NGEF: variants seen among roughly 807,000 people sequenced by gnomAD.
NGEF encodes neuronal guanine nucleotide exchange factor.
Under a neutral mutation model 80.9 loss-of-function variants are expected in NGEF, and 31 were observed. That is an observed-to-expected ratio of 0.38 (90% CI 0.29 to 0.52). NGEF has a LOEUF of 0.52. Ranked by LOEUF, NGEF falls within the 20% of genes least tolerant of loss-of-function variation. The probability of loss-of-function intolerance (pLI) is 0.84; values close to 1 mark genes in which losing one functional copy is unlikely to be tolerated. For synonymous variants in NGEF, 371 were observed against 370.2 expected (o/e 1.00, Z -0.03); for missense variants, 709 against 926.2 (o/e 0.77, Z 3.04).
chr2:232,999,701 G>A (rs991440724), intron 1 of NGEF, among the ~76,000 whole-genome samples: 1 of 152,244 alleles, frequency 6.6e-6, no homozygotes, highest in Non-Finnish European at 1.5e-5. Flanking sequence ...CAGCCAGAGG[G>A]AGGAGGGCCA....
chr2:232,888,007 A>G lies in NGEF; in HGVS notation c.1347+26T>C, dbSNP rs778358855. 7 of 1,596,130 alleles carry G rather than the reference A, an allele frequency of 4.4e-6. 1 individual carries two copies. The East Asian group carries it at 8.9e-5, about 20-fold the overall frequency. ...GATGAGGAAAACAGTGCATTGGGAT[A>G]CAGCACAAGAGGAGGTGAGACTCAC... On this transcript the variant is annotated intron_variant, in intron 9 of 14. Coordinates refer to ENST00000264051, the MANE Select transcript of NGEF (RefSeq NM_019850.3).
Position 232,892,714 on chromosome 2 carries a change from A to G in NGEF, c.1142+184T>C, listed in dbSNP as rs1266943468. Among the ~76,000 whole-genome samples, 1 of 152,188 alleles carries G rather than the reference A, an allele frequency of 6.6e-6. No individual in the cohort carries two copies. Among genetic ancestry groups the G allele is most frequent in the African/African-American group, 2.4e-5 (1 of 41,454 alleles). ...TTCTCTAGTGACACCAATACACCCTAGAACGTGCTGGGTTGGGACACTGTC... is the reference window on the plus strand; with the variant it reads ...TTCTCTAGTGACACCAATACACCCTGGAACGTGCTGGGTTGGGACACTGTC... On this transcript the variant is annotated intron_variant, in intron 7 of 14. Coordinates refer to ENST00000264051, the MANE Select transcript of NGEF (RefSeq NM_019850.3). The surrounding 1 kb of genome is among the most constrained non-coding windows in gnomAD (Gnocchi z 4.0).
At chr2:232,996,883 T>C (rs558143371) in intron 1 of NGEF, among the ~76,000 whole-genome samples, 1 of 152,308 alleles carries the variant, frequency 6.6e-6, no homozygotes, top group South Asian at 2.1e-4. Flanking sequence ...GATTGCTGGA[T>C]GTTTACAGAC....
intron 1 of NGEF, among the ~76,000 whole-genome samples, chr2:233,011,957 C>T (rs1695216911): frequency 6.6e-6 from 1 of 152,136 alleles, no homozygotes; most frequent in Admixed American, 6.5e-5. Context: ...GGTCTGTGGT[C>T]TCCCTTCATG....
At chr2:232,972,485 G>C (rs1020487928) in intron 2 of NGEF, among the ~76,000 whole-genome samples, 3 of 150,934 alleles carry the variant, frequency 2.0e-5, no homozygotes, top group African/African-American at 7.3e-5. Flanking sequence ...TGGCGCTACT[G>C]TAACCCCCTT....
intron 1 of NGEF, among the ~76,000 whole-genome samples, chr2:233,002,024 TA>T (rs1456865502): frequency 1.3e-5 from 2 of 151,282 alleles, no homozygotes; most frequent in African/African-American, 4.9e-5. Flanking sequence ...AATAATAAAA[TA>T]AAAAAAAGAA....
chr2:232,977,277 G>C (rs2106325525), intron 1 of NGEF, among the ~76,000 whole-genome samples: 1 of 152,306 alleles, frequency 6.6e-6, no homozygotes, highest in South Asian at 2.1e-4. Context: ...GACTCGGGAG[G>C]GACGAGGTCA....
intron 1 of NGEF, among the ~76,000 whole-genome samples, chr2:232,993,585 A>G (rs1180802269): frequency 6.6e-6 from 1 of 152,204 alleles, no homozygotes; most frequent in Non-Finnish European, 1.5e-5. Flanking sequence ...CCCAAGAGAC[A>G]TGAAAACATA....
chr2:232,910,444 G>A (rs1006074097), intron 5 of NGEF, among the ~76,000 whole-genome samples: 2 of 151,506 alleles, frequency 1.3e-5, no homozygotes, highest in Non-Finnish European at 1.5e-5. Context: ...GCTGCATGGC[G>A]AGGTGGGGGG....
intron 1 of NGEF, among the ~76,000 whole-genome samples, chr2:233,010,364 G>T (rs1695177469): frequency 6.6e-6 from 1 of 152,174 alleles, no homozygotes; most frequent in Non-Finnish European, 1.5e-5. Context: ...GAGTGAGTGT[G>T]AAAAGAATTA....
At chr2:232,925,110 A>G (rs1693032869) in intron 4 of NGEF, among the ~76,000 whole-genome samples, 1 of 152,200 alleles carries the variant, frequency 6.6e-6, no homozygotes, top group South Asian at 2.1e-4. Flanking sequence ...ATGGAAATAA[A>G]CTTTACCTGT....
chr2:233,005,730 C>T (rs1489341950), intron 1 of NGEF, among the ~76,000 whole-genome samples: 1 of 152,230 alleles, frequency 6.6e-6, no homozygotes, highest in Non-Finnish European at 1.5e-5. Context: ...GGAAACAGTC[C>T]TGCCAGCAGC....
Position 232,891,477 on chromosome 2 carries a change from C to T in NGEF, c.1153G>A (p.Ala385Thr). 6.2e-7 allele frequency: 1 copy of T among 1,612,794 alleles called. No homozygotes were observed. The highest frequency in any genetic ancestry group is 8.5e-7 in the Non-Finnish European group (1 of 1,179,732). ...TGCGCGATCAGCTCCCGGAAAGCTGCCTTCTCCTGGCTGGGGACACAGACA... is the reference window on the plus strand; with the variant it reads ...TGCGCGATCAGCTCCCGGAAAGCTGTCTTCTCCTGGCTGGGGACACAGACA... ...RTYKQLLQEKAAFRELIAQLE... is the reference protein window; with the variant it reads ...RTYKQLLQEKTAFRELIAQLE... The change falls in exon 8 of 15, where the codon GCA becomes ACA. Residue 385 changes from alanine (A) to threonine (T), a missense_variant. Coordinates refer to ENST00000264051, the MANE Select transcript of NGEF (RefSeq NM_019850.3).
chr2:233,000,586 T>C (rs1161018532), intron 1 of NGEF, among the ~76,000 whole-genome samples: 1 of 151,430 alleles, frequency 6.6e-6, no homozygotes, highest in African/African-American at 2.4e-5. Flanking sequence ...TGAAACCCCG[T>C]CTCTAGTAAA....
intron 3 of NGEF, among the ~76,000 whole-genome samples, chr2:232,957,854 G>C: frequency 6.6e-6 from 1 of 152,196 alleles, no homozygotes; most frequent in Non-Finnish European, 1.5e-5. Flanking sequence ...AGAGGTGTGG[G>C]ATATGCCCCT....
rs757782344 is a variant in NGEF, at chr2:232,879,669, A to G, written c.1953T>C (p.Phe651=). The change falls in exon 15 of 15, where the codon TTT becomes TTC. Residue 651 remains phenylalanine, a synonymous_variant. Transcript: ENST00000264051. ...TCTCCTGGTCGTGCAGACGCTCGCC[A>G]AAGATCCACCCTGTGCAGGGAGGGG... ...ILDKTDDGWI[F]GERLHDQERG... 5.3e-5 allele frequency: 86 copies of G among 1,612,366 alleles called. No individual in the cohort carries two copies. The highest frequency in any genetic ancestry group is 7.2e-5 in the Non-Finnish European group (85 of 1,179,256).
At chr2:232,964,151 C>T (rs1694010639) in intron 3 of NGEF, among the ~76,000 whole-genome samples, 1 of 152,112 alleles carries the variant, frequency 6.6e-6, no homozygotes, top group African/African-American at 2.4e-5. Flanking sequence ...GAGTGTAAAA[C>T]AGTACAACCA....
At chr2:232,978,258 G>A (rs186989141) in intron 1 of NGEF, among the ~76,000 whole-genome samples, 1 of 152,070 alleles carries the variant, frequency 6.6e-6, no homozygotes, top group Admixed American at 6.6e-5. Context: ...GGTGGCTCAC[G>A]TCTGTAATCC....
At chr2:232,896,771 C>G (rs1206523586) in intron 5 of NGEF, among the ~76,000 whole-genome samples, 1 of 29,284 alleles carries the variant, frequency 3.4e-5, no homozygotes, top group Non-Finnish European at 6.0e-5. Context: ...AGGTTAGGGG[C>G]GTGGGTGAAG....
Sources: gnomAD v4.1 joint callset for allele counts (sites outside exome capture counted in the v4.1 genomes callset) on GRCh38, gnomAD v4.1.1 for gene constraint, Gnocchi (gnomAD v3.1) non-coding constraint, MANE v1.5 for transcripts, NCBI Gene and HGNC (gene_info 2026-07-23, HGNC 2026-07-21) for gene names.